Variants in ST3GAL1 observed in about 807,000 individuals in gnomAD.
The protein encoded by ST3GAL1 is CMP-N-acetylneuraminate-beta-galactosamide-alpha-2,3-sialyltransferase 1.
In ST3GAL1, 16 loss-of-function variants were observed where a neutral mutation model predicts 34.1. The ratio of observed to expected loss-of-function variants is 0.47; its 90% confidence interval spans 0.32 to 0.71. The LOEUF (loss-of-function observed/expected upper bound fraction) is 0.71. Among genes scored for constraint, ST3GAL1 ranks in the 30% least tolerant of loss-of-function variants. The probability of loss-of-function intolerance (pLI) is 0.04; values close to 1 mark genes in which losing one functional copy is unlikely to be tolerated. For missense variants in ST3GAL1, 353 were observed against 447.4 expected (o/e 0.79, Z 1.90); for synonymous variants, 191 against 184.7 (o/e 1.03, Z -0.28).
At chr8:133,538,872 G>A (rs578047527) in intron 2 of ST3GAL1, among the ~76,000 whole-genome samples, 5 of 152,306 alleles carry the variant, frequency 3.3e-5, no homozygotes, top group African/African-American at 1.2e-4. Context: ...CTCTGGAGAC[G>A]CTGTAAGCCT....
At chr8:133,507,856 G>C (rs1466282338) in intron 2 of ST3GAL1, among the ~76,000 whole-genome samples, 1 of 152,192 alleles carries the variant, frequency 6.6e-6, no homozygotes, top group Non-Finnish European at 1.5e-5. Flanking sequence ...CTGCAGAGTA[G>C]ATGCTGCTGG....
intron 3 of ST3GAL1, among the ~76,000 whole-genome samples, chr8:133,485,571 A>G (rs1293083520): frequency 6.6e-6 from 1 of 152,204 alleles, no homozygotes; most frequent in Non-Finnish European, 1.5e-5. Context: ...GTGGAAGCTG[A>G]GCTCAGAAAC....
intron 2 of ST3GAL1, among the ~76,000 whole-genome samples, chr8:133,503,042 G>A (rs542392903): frequency 3.9e-5 from 6 of 152,306 alleles, no homozygotes; most frequent in African/African-American, 1.4e-4. Flanking sequence ...CCTGGTTAGC[G>A]ACTACCTTCA....
At chr8:133,463,922 G>T (rs1445030171) in intron 7 of ST3GAL1, among the ~76,000 whole-genome samples, 1 of 152,190 alleles carries the variant, frequency 6.6e-6, no homozygotes, top group Non-Finnish European at 1.5e-5. Flanking sequence ...CTCCCAGAGA[G>T]ACTGCAGCTG....
intron 5 of ST3GAL1, among the ~76,000 whole-genome samples, chr8:133,474,175 A>T (rs1006150071): frequency 1.3e-5 from 2 of 152,168 alleles, no homozygotes; most frequent in African/African-American, 4.8e-5. Flanking sequence ...CTTCATGATG[A>T]ACCTGGCCAT....
intron 2 of ST3GAL1, among the ~76,000 whole-genome samples, chr8:133,527,809 T>C (rs1432583241): frequency 1.3e-5 from 2 of 152,120 alleles, no homozygotes; most frequent in African/African-American, 2.4e-5. Context: ...TCATAACTCC[T>C]TGAAGTCAAT....
intron 1 of ST3GAL1, among the ~76,000 whole-genome samples, chr8:133,547,326 C>G (rs536047108): frequency 2.0e-5 from 3 of 152,126 alleles, no homozygotes; most frequent in African/African-American, 7.2e-5. Flanking sequence ...CTGGAGGGGC[C>G]GTGGCATGAC....
chr8:133,471,012 A>ATCCTCCT (rs1328652621), intron 5 of ST3GAL1, among the ~76,000 whole-genome samples: 2 of 151,826 alleles, frequency 1.3e-5, no homozygotes, highest in East Asian at 3.9e-4. Flanking sequence ...CTCCCTTCCC[A>ATCCTCCT]TCCTCCTTCC....
chr8:133,535,926 T>C (rs1818298710), intron 2 of ST3GAL1, among the ~76,000 whole-genome samples: 2 of 152,370 alleles, frequency 1.3e-5, no homozygotes, highest in Admixed American at 1.3e-4. Flanking sequence ...ATAATTTGTA[T>C]GACTTGCTCT....
In ST3GAL1 at chr8:133,551,603, A is replaced by G. The variant is rs140454811; in HGVS notation, c.-581-5677T>C. ...GAAAGAAAGAAAGAAAGAAAGAAAG[A>G]AAGAAAGAAAGAAAGAGCGAGCAAG... On this transcript the variant is annotated intron_variant, in intron 1 of 9. Coordinates refer to ENST00000522652, the MANE Select transcript of ST3GAL1 (RefSeq NM_173344.3). Among the ~76,000 whole-genome samples the G allele has an allele frequency of 4.9e-3, 730 of 149,578 alleles. 5 individuals are homozygous for G. The highest frequency in any genetic ancestry group is 0.017 in the African/African-American group (673 of 39,546).
chr8:133,464,351 C>T (rs1179699519), intron 7 of ST3GAL1, among the ~76,000 whole-genome samples: 2 of 152,136 alleles, frequency 1.3e-5, no homozygotes, highest in Non-Finnish European at 2.9e-5. Context: ...GGGGAGGGGC[C>T]CAGGCTGCAC....
intron 2 of ST3GAL1, chr8:133,544,173 A>G (rs549586503): frequency 2.6e-5 from 4 of 151,778 alleles, no homozygotes; most frequent in African/African-American, 9.8e-5. Context: ...CCTGTAGGCC[A>G]TCTAGAGTCT....
At position 133,467,102 on chromosome 8, in the gene ST3GAL1, A is replaced by T. The variant is rs983137962; in HGVS notation, c.307-1012T>A. ...AGAGCGAGACTCCAACTCGAAAAAA[A>T]AAAAAAAAAGACCTAGCTCGAGGGT... On this transcript the variant is annotated intron_variant, in intron 5 of 9. Coordinates refer to ENST00000522652, the MANE Select transcript of ST3GAL1 (RefSeq NM_173344.3). This position sits in a 1 kb window ranked among gnomAD's most constrained non-coding sequence, Gnocchi z 4.2. 9.9e-5 allele frequency among the ~76,000 whole-genome samples: 15 copies of T among 152,050 alleles called. No individual in the cohort carries two copies. Among genetic ancestry groups the T allele is most frequent in the Non-Finnish European group, 2.1e-4 (14 of 67,978 alleles).
intron 2 of ST3GAL1, among the ~76,000 whole-genome samples, chr8:133,503,482 C>A (rs1817245504): frequency 6.6e-6 from 1 of 152,048 alleles, no homozygotes; most frequent in South Asian, 2.1e-4. Flanking sequence ...TCTCCGCCAC[C>A]CCTCCTTGAA....
intron 3 of ST3GAL1, among the ~76,000 whole-genome samples, chr8:133,494,913 C>CTTTTTTTTT (rs34975583): frequency 3.6e-4 from 36 of 100,706 alleles, no homozygotes; most frequent in East Asian, 1.6e-3. Context: ...TTCCTCTATT[C>CTTTTTTTTT]TTTTTTTTTT....
Position 133,461,732 on chromosome 8 carries a change from C to T in ST3GAL1, c.849+143G>A, listed in dbSNP as rs1436035992. On this transcript the variant is annotated intron_variant, in intron 9 of 9. Coordinates refer to ENST00000522652, the MANE Select transcript of ST3GAL1 (RefSeq NM_173344.3). The surrounding 1 kb of genome is among the most constrained non-coding windows in gnomAD (Gnocchi z 4.7). Reference sequence around the variant, plus strand: ...AAAACACCCTGGGAGACACATGTTGCAAGTCCTGTCGTAGAGACAGGGAAT... The same window carrying T: ...AAAACACCCTGGGAGACACATGTTGTAAGTCCTGTCGTAGAGACAGGGAAT... 8.4e-7 allele frequency: 1 copy of T among 1,191,994 alleles called. No individual in the cohort carries two copies. The highest frequency in any genetic ancestry group is 1.2e-6 in the Non-Finnish European group (1 of 843,470). The allele number at this position is 1,191,994 out of a possible 1,614,324, so 73.8% of individuals were successfully genotyped here.
chr8:133,540,944 CAT>C (rs1158714337), intron 2 of ST3GAL1, among the ~76,000 whole-genome samples: 17 of 76,522 alleles, frequency 2.2e-4, no homozygotes, highest in South Asian at 5.2e-4. Flanking sequence ...CATATATAGA[CAT>C]ATATATAGAC....
At chr8:133,533,451 G>A (rs962962090) in intron 2 of ST3GAL1, among the ~76,000 whole-genome samples, 9 of 152,184 alleles carry the variant, frequency 5.9e-5, no homozygotes, top group African/African-American at 2.2e-4. Context: ...CCGCACATTA[G>A]TCCCCAAGAA....
intron 1 of ST3GAL1, among the ~76,000 whole-genome samples, chr8:133,551,613 AGAAAGAGC>A (rs1444773495): frequency 7.3e-6 from 1 of 136,206 alleles, no homozygotes; most frequent in African/African-American, 2.7e-5. Context: ...AAAGAAAGAA[AGAAAGAGC>A]GAGCAAGCCT....
Sources: gnomAD v4.1 joint callset for allele counts (sites outside exome capture counted in the v4.1 genomes callset) on GRCh38, gnomAD v4.1.1 for gene constraint, Gnocchi (gnomAD v3.1) non-coding constraint, MANE v1.5 for transcripts, NCBI Gene and HGNC (gene_info 2026-07-23, HGNC 2026-07-21) for gene names.